The following TRHDE variants were observed in gnomAD, a reference collection of about 807,000 sequenced individuals.
TRHDE encodes thyrotropin releasing hormone degrading enzyme.
TRHDE carries 72 observed loss-of-function variants against 125.7 expected under a neutral mutation model. The observed-to-expected ratio is 0.57, with a 90% CI of 0.47 to 0.70. The LOEUF (loss-of-function observed/expected upper bound fraction) is 0.70. TRHDE is among the 30% of genes least tolerant of loss of function. TRHDE has a pLI of 0.00. For synonymous variants in TRHDE, 509 were observed against 509.1 expected, an observed-to-expected ratio of 1.00 and a Z score of 0.00; for missense variants, 1,110 against 1,327.1, an observed-to-expected ratio of 0.84 and a Z score of 2.54.
chr12:72,402,305 T>G (rs1873077923), intron 3 of TRHDE, among the ~76,000 whole-genome samples: 1 of 152,200 alleles, frequency 6.6e-6, no homozygotes, highest in Non-Finnish European at 1.5e-5. Flanking sequence ...TCATAATGTT[T>G]TAAGAAAGTT....
chr12:72,371,258 C>T (rs1485434153), intron 2 of TRHDE, among the ~76,000 whole-genome samples: 2 of 151,064 alleles, frequency 1.3e-5, no homozygotes, highest in Non-Finnish European at 2.9e-5. Context: ...CTTCATACTT[C>T]CTTAGGACCT....
intron 12 of TRHDE, chr12:72,611,333 A>G (rs1255995888): frequency 6.5e-6 from 1 of 153,480 alleles, no homozygotes; most frequent in East Asian, 1.9e-4. Flanking sequence ...CATAATATCA[A>G]CTTCTGGAAC....
intron 2 of TRHDE, chr12:72,255,531 AGGAACCT>A (rs1482743284): frequency 1.3e-5 from 2 of 152,280 alleles, no homozygotes; most frequent in Non-Finnish European, 2.9e-5. Context: ...ACCACAGCTG[AGGAACCT>A]GGAAAGGCAG....
intron 2 of TRHDE, chr12:72,264,550 C>G (rs1879022816): frequency 6.6e-6 from 1 of 151,830 alleles, no homozygotes; most frequent in East Asian, 1.9e-4. Context: ...TCCAATATTT[C>G]TAATCTATGA....
intron 3 of TRHDE, among the ~76,000 whole-genome samples, chr12:72,414,005 G>A (rs1397405927): frequency 3.9e-5 from 6 of 152,044 alleles, no homozygotes; most frequent in Admixed American, 2.6e-4. Flanking sequence ...ATCTTTTAAA[G>A]TGTATTTCAC....
chr12:72,142,091 A>G (rs555427107), intron 2 of TRHDE, among the ~76,000 whole-genome samples: 3 of 152,210 alleles, frequency 2.0e-5, no homozygotes, highest in African/African-American at 7.2e-5. Flanking sequence ...AAAAAAAAGA[A>G]ATCTTCAGAT....
intron 15 of TRHDE, among the ~76,000 whole-genome samples, chr12:72,633,678 G>A (rs566081985): frequency 4.7e-4 from 72 of 152,100 alleles, no homozygotes; most frequent in African/African-American, 1.6e-3. Context: ...TCTTTGCTAG[G>A]GGGCATTGTA....
intron 3 of TRHDE, among the ~76,000 whole-genome samples, chr12:72,382,251 T>C (rs1872218967): frequency 6.6e-6 from 1 of 151,994 alleles, no homozygotes; most frequent in Non-Finnish European, 1.5e-5. Flanking sequence ...GCTAGCAATA[T>C]GAAGGTCACC....
At chr12:72,309,027 G>A (rs1868416003) in intron 2 of TRHDE, among the ~76,000 whole-genome samples, 1 of 151,810 alleles carries the variant, frequency 6.6e-6, no homozygotes, top group Non-Finnish European at 1.5e-5. Flanking sequence ...ATTTATGTAC[G>A]GGATGGCACC....
chr12:72,444,883 G>C (rs1158608061), intron 3 of TRHDE, among the ~76,000 whole-genome samples: 3 of 151,726 alleles, frequency 2.0e-5, no homozygotes, highest in Non-Finnish European at 2.9e-5. Flanking sequence ...ATGAAACTTT[G>C]CTTGTTTATT....
At chr12:72,174,615 G>T (rs191912457) in intron 2 of TRHDE, among the ~76,000 whole-genome samples, 310 of 152,038 alleles carry the variant, frequency 2.0e-3, no homozygotes, top group Non-Finnish European at 3.4e-3. Context: ...TGATATGTTT[G>T]GATAGCACAG....
chr12:72,335,425 TG>T, intron 2 of TRHDE, among the ~76,000 whole-genome samples: 1 of 152,204 alleles, frequency 6.6e-6, no homozygotes, highest in East Asian at 1.9e-4. Context: ...GTCTTTTCTG[TG>T]GTGGGCCAGA....
At chr12:72,310,367 G>T (rs965627827) in intron 2 of TRHDE, among the ~76,000 whole-genome samples, 6 of 152,180 alleles carry the variant, frequency 3.9e-5, no homozygotes, top group African/African-American at 1.4e-4. Context: ...CTGTGCCTAT[G>T]GGCAAGCCGT....
In TRHDE at chr12:72,177,051, C is replaced by G. The variant is rs142249265; in HGVS notation, n.279+71299C>G. ...TCTTGGAATGGCTATCCCCACAATT[C>G]AAGTGACTGGCCTTAGTCCAGGTCT... On this transcript the variant is annotated intron_variant and non_coding_transcript_variant, in intron 2 of 4. Transcript: ENST00000548156. Among the ~76,000 whole-genome samples the G allele has an allele frequency of 4.3e-3, 650 of 151,876 alleles. 4 individuals carry two copies. The highest frequency in any genetic ancestry group is 7.5e-3 in the Non-Finnish European group (511 of 67,962).
Position 72,224,895 on chromosome 12 carries a change from C to G in TRHDE, n.279+119143C>G, listed in dbSNP as rs1878093416. On this transcript the variant is annotated intron_variant and non_coding_transcript_variant, in intron 2 of 4. Coordinates refer to the TRHDE transcript ENST00000548156. ...ATTTTAAATAATCTTAACCTCCCCT[C>G]TCTTTAAAATAGTCATTATCTCACT... Among the ~76,000 whole-genome samples the G allele has an allele frequency of 1.3e-5, 2 of 152,126 alleles. 1 individual carries two copies. The highest frequency in any genetic ancestry group is 4.1e-4 in the South Asian group (2 of 4,830).
chr12:72,314,319 T>C (rs533951649), intron 2 of TRHDE, among the ~76,000 whole-genome samples: 4 of 150,416 alleles, frequency 2.7e-5, no homozygotes, highest in Admixed American at 1.3e-4. Flanking sequence ...TCTCCTCCCT[T>C]CCTCCCTCCC....
chr12:72,116,907 G>A lies in TRHDE; in HGVS notation n.279+11155G>A, dbSNP rs193286182. On this transcript the variant is annotated intron_variant and non_coding_transcript_variant, in intron 2 of 4. Transcript: ENST00000548156. ...GTGTGCCTTCTTTTGAGAAATGTCT[G>A]TTTGGATATTTTGCCCATTTTTAGA... Among the ~76,000 whole-genome samples the A allele has an allele frequency of 1.4e-3, 212 of 152,090 alleles. 1 individual carries two copies. Among genetic ancestry groups the A allele is most frequent in the African/African-American group, 4.6e-3 (193 of 41,544 alleles).
chr12:72,475,384 A>C (rs1488865660), intron 5 of TRHDE, among the ~76,000 whole-genome samples: 1 of 152,166 alleles, frequency 6.6e-6, no homozygotes, highest in Non-Finnish European at 1.5e-5. Context: ...TAGCTCATTC[A>C]GATACCTGTG....
intron 2 of TRHDE, among the ~76,000 whole-genome samples, chr12:72,312,651 C>A (rs772228735): frequency 3.3e-5 from 5 of 152,096 alleles, no homozygotes; most frequent in Admixed American, 2.0e-4. Context: ...CGGGAGGTCA[C>A]GAATTTACCA....
Sources: allele counts gnomAD v4.1 joint callset (sites outside exome capture counted in the v4.1 genomes callset), GRCh38; gene constraint gnomAD v4.1.1; transcripts MANE v1.5; gene names NCBI Gene and HGNC (gene_info 2026-07-23, HGNC 2026-07-21).